The following PRKCE variants were observed in gnomAD, a reference collection of about 807,000 sequenced individuals.
PRKCE encodes protein kinase C epsilon.
A neutral mutation model predicts 85.4 loss-of-function variants in PRKCE; 16 were observed. The observed-to-expected ratio is 0.19, with a 90% CI of 0.13 to 0.28. The LOEUF is 0.28. Ranked by LOEUF, PRKCE falls within the 10% of genes least tolerant of loss-of-function variation. The pLI, the probability that PRKCE is intolerant of heterozygous loss-of-function variation, is 1.00. For missense variants in PRKCE, 573 were observed against 975.2 expected, an observed-to-expected ratio of 0.59 and a Z score of 5.49; for synonymous variants, 388 against 371.5, an observed-to-expected ratio of 1.04 and a Z score of -0.51.
chr2:45,762,152 C>T (rs1369168470), intron 1 of PRKCE, among the ~76,000 whole-genome samples: 2 of 152,214 alleles, frequency 1.3e-5, no homozygotes, highest in African/African-American at 4.8e-5. Flanking sequence ...CTTTTACTCT[C>T]ATCAATGGAA....
chr2:45,758,123 G>T (rs1405893750), intron 1 of PRKCE, among the ~76,000 whole-genome samples: 6 of 152,182 alleles, frequency 3.9e-5, no homozygotes, highest in African/African-American at 1.4e-4. Flanking sequence ...AGCTAGATGG[G>T]CTGAGACAGA....
intron 11 of PRKCE, among the ~76,000 whole-genome samples, chr2:46,090,328 G>A (rs1247265844): frequency 1.3e-5 from 2 of 152,120 alleles, no homozygotes; most frequent in African/African-American, 4.8e-5. Flanking sequence ...GCTGTGAGCG[G>A]CCTCCCCTGA....
chr2:46,131,827 G>A (rs886300607), intron 11 of PRKCE, among the ~76,000 whole-genome samples: 1 of 152,182 alleles, frequency 6.6e-6, no homozygotes, highest in African/African-American at 2.4e-5. Context: ...TCCCCAAGTG[G>A]AATTCTGGAA....
chr2:45,821,419 G>A (rs958433537), intron 1 of PRKCE, among the ~76,000 whole-genome samples: 3 of 152,148 alleles, frequency 2.0e-5, no homozygotes, highest in East Asian at 1.9e-4. Flanking sequence ...TGGAGGTATA[G>A]AGCAGGCCAC....
chr2:45,991,903 G>C (rs578158685), intron 6 of PRKCE, among the ~76,000 whole-genome samples: 100 of 152,182 alleles, frequency 6.6e-4, no homozygotes, highest in African/African-American at 2.4e-3. Context: ...TTATCTATTG[G>C]GTCTGGTCTG....
rs868751690 is a variant in PRKCE, at chr2:45,935,094, T to C, written c.413-41335T>C. 4.5e-4 allele frequency among the ~76,000 whole-genome samples: 53 copies of C among 117,482 alleles called. 1 individual carries two copies. The highest frequency in any genetic ancestry group is 1.4e-3 in the African/African-American group (40 of 27,674). The allele number at this position is 117,482 out of a possible 152,430, so 77.1% of individuals were successfully genotyped here. Reference sequence around the variant, plus strand: ...ACACACACACACACACACACACACATAGAAAATGGAAATGGAAATCATAGA... The same window carrying C: ...ACACACACACACACACACACACACACAGAAAATGGAAATGGAAATCATAGA... On this transcript the variant is annotated intron_variant, in intron 2 of 14. Coordinates refer to ENST00000306156, the MANE Select transcript of PRKCE (RefSeq NM_005400.3).
intron 1 of PRKCE, among the ~76,000 whole-genome samples, chr2:45,812,120 C>G (rs990414461): frequency 1.3e-5 from 2 of 152,166 alleles, no homozygotes; most frequent in East Asian, 3.8e-4. Context: ...GGTGAGTCAC[C>G]CCACCTCTCT....
intron 2 of PRKCE, among the ~76,000 whole-genome samples, chr2:45,868,541 C>G (rs1693813497): frequency 2.7e-5 from 4 of 146,428 alleles, no homozygotes; most frequent in Admixed American, 6.9e-5. Flanking sequence ...CCAGGCTGGT[C>G]TTGAACTCCT....
In PRKCE at chr2:45,989,438, G is replaced by T. The variant is rs564149848; in HGVS notation, c.823+4758G>T. ...GCTAGGATTTGGAGGAGCTGTCCTG[G>T]TTTGGGTACTGCCTAGCTGGGAGGT... On this transcript the variant is annotated intron_variant, in intron 6 of 14. Transcript: ENST00000306156. Among the ~76,000 whole-genome samples, 36 of 152,298 alleles carry T rather than the reference G, an allele frequency of 2.4e-4. No individual in the cohort carries two copies. In the South Asian group the frequency reaches 7.1e-3, roughly 30 times the overall value.
chr2:45,842,855 C>A, intron 1 of PRKCE, 145 bp from the exon 2 acceptor site: 1 of 763,822 alleles, frequency 1.3e-6, no homozygotes, highest in Non-Finnish European at 2.3e-6. Flanking sequence ...GTCTGCATCT[C>A]ACCTAGCACT....
intron 11 of PRKCE, among the ~76,000 whole-genome samples, chr2:46,090,732 C>G (rs1018035666): frequency 9.9e-5 from 15 of 152,182 alleles, no homozygotes; most frequent in Admixed American, 9.8e-4. Flanking sequence ...CCCATGCTGC[C>G]TTTGTATCAA....
intron 2 of PRKCE, among the ~76,000 whole-genome samples, chr2:45,942,313 C>T (rs1379261000): frequency 1.3e-5 from 2 of 152,074 alleles, no homozygotes; most frequent in Non-Finnish European, 2.9e-5. Context: ...TGAAATGCCT[C>T]AAAGTTTACA....
intron 14 of PRKCE, among the ~76,000 whole-genome samples, chr2:46,167,518 C>A (rs973439597): frequency 6.6e-6 from 1 of 152,120 alleles, no homozygotes; most frequent in African/African-American, 2.4e-5. Context: ...TAGCAAGGCA[C>A]CAGCCATTAC....
chr2:45,763,508 C>T (rs1025474408), intron 1 of PRKCE, among the ~76,000 whole-genome samples: 5 of 152,114 alleles, frequency 3.3e-5, no homozygotes, highest in Non-Finnish European at 7.4e-5. Context: ...AGGCTTTGCT[C>T]ACGTCCCACC....
At chr2:45,951,454 A>G (rs886530527) in intron 2 of PRKCE, among the ~76,000 whole-genome samples, 1 of 152,168 alleles carries the variant, frequency 6.6e-6, no homozygotes, top group Non-Finnish European at 1.5e-5. Flanking sequence ...ACTAGGCAGT[A>G]TGTATGTGTC....
At chr2:45,919,708 C>A (rs116291449) in intron 2 of PRKCE, among the ~76,000 whole-genome samples, 2 of 152,208 alleles carry the variant, frequency 1.3e-5, no homozygotes, top group Non-Finnish European at 2.9e-5. Flanking sequence ...CTTGGAAAAT[C>A]TAGGCCTTCT....
chr2:45,751,809 A>ATTTTTTTTTTTTTTTTTTTTTTT (rs34589907), intron 1 of PRKCE, among the ~76,000 whole-genome samples: 2 of 78,526 alleles, frequency 2.5e-5, no homozygotes, highest in Admixed American at 3.1e-4. Context: ...GCTAACCACT[A>ATTTTTTTTTTTTTTTTTTTTTTT]TTTTTTTTTT....
At chr2:45,874,546 CCTT>C (rs1472351489) in intron 2 of PRKCE, among the ~76,000 whole-genome samples, 1 of 152,216 alleles carries the variant, frequency 6.6e-6, no homozygotes, top group African/African-American at 2.4e-5. Flanking sequence ...CTCCCTGCCT[CCTT>C]CTTGTCTCAC....
At chr2:45,940,852 A>G (rs1699819767) in intron 2 of PRKCE, among the ~76,000 whole-genome samples, 1 of 151,936 alleles carries the variant, frequency 6.6e-6, no homozygotes, top group African/African-American at 2.4e-5. Context: ...TGAGGTCAGG[A>G]GTTCAAAACC....
Sources: allele counts gnomAD v4.1 joint callset (sites outside exome capture counted in the v4.1 genomes callset), GRCh38; gene constraint gnomAD v4.1.1; transcripts MANE v1.5; gene names NCBI Gene and HGNC (gene_info 2026-07-23, HGNC 2026-07-21).